Variants in KCNJ3 observed in about 807,000 individuals in gnomAD.
KCNJ3 encodes G protein-activated inward rectifier potassium channel 1.
KCNJ3 carries 4 observed loss-of-function variants against 39.2 expected under a neutral mutation model. That is an observed-to-expected ratio of 0.10 (90% CI 0.05 to 0.23). The LOEUF (loss-of-function observed/expected upper bound fraction) is 0.23, where lower values mean the gene tolerates loss of function less well. Ranked by LOEUF, KCNJ3 falls within the 10% of genes least tolerant of loss-of-function variation. The pLI, the probability that KCNJ3 is intolerant of heterozygous loss-of-function variation, is 1.00. For missense variants in KCNJ3, 276 were observed against 634.9 expected, an observed-to-expected ratio of 0.43 and a Z score of 6.08; for synonymous variants, 230 against 237.4, an observed-to-expected ratio of 0.97 and a Z score of 0.29.
intron 1 of KCNJ3, among the ~76,000 whole-genome samples, chr2:154,704,481 T>G (rs2105147090): frequency 6.6e-6 from 1 of 152,302 alleles, no homozygotes; most frequent in East Asian, 1.9e-4. Flanking sequence ...TACATTGCGT[T>G]CTGTAAGAAA....
At chr2:154,804,386 C>T (rs915458067) in intron 2 of KCNJ3, among the ~76,000 whole-genome samples, 1 of 152,152 alleles carries the variant, frequency 6.6e-6, no homozygotes, top group African/African-American at 2.4e-5. Flanking sequence ...TACCGGGTCA[C>T]TTGATTTTCT....
At chr2:154,811,507 T>G (rs1313541000) in intron 2 of KCNJ3, among the ~76,000 whole-genome samples, 1 of 152,158 alleles carries the variant, frequency 6.6e-6, no homozygotes, top group Non-Finnish European at 1.5e-5. Flanking sequence ...TTGGCCAGGC[T>G]GGTCTCGAAC....
chr2:154,753,080 A>G (rs150173990), intron 2 of KCNJ3, among the ~76,000 whole-genome samples: 66 of 152,156 alleles, frequency 4.3e-4, no homozygotes, highest in African/African-American at 1.6e-3. Flanking sequence ...CTCTTATCGG[A>G]TAAGAATTTT....
At chr2:154,704,536 T>C (rs1684965828) in intron 1 of KCNJ3, among the ~76,000 whole-genome samples, 1 of 152,232 alleles carries the variant, frequency 6.6e-6, no homozygotes, top group Admixed American at 6.5e-5. Context: ...GTTAATTGGC[T>C]CAGCATTAAA....
intron 1 of KCNJ3, among the ~76,000 whole-genome samples, chr2:154,708,378 T>C (rs1056600158): frequency 1.3e-5 from 2 of 152,160 alleles, no homozygotes; most frequent in Admixed American, 6.6e-5. Context: ...TTACTCCACA[T>C]AAAAAGCCAA....
intron 2 of KCNJ3, among the ~76,000 whole-genome samples, chr2:154,835,866 G>T (rs2971902): frequency 0.19 from 28,868 of 151,904 alleles, 3,193 homozygotes; most frequent in East Asian, 0.4. Flanking sequence ...TTTCTGAAAG[G>T]TCACCAGACC....
chr2:154,832,801 G>A (rs1030852509), intron 2 of KCNJ3, among the ~76,000 whole-genome samples: 1 of 152,164 alleles, frequency 6.6e-6, no homozygotes, highest in Non-Finnish European at 1.5e-5. Context: ...TGAGGCTTCT[G>A]AAATTGGCTT....
At chr2:154,706,199 A>G (rs1287408427) in intron 1 of KCNJ3, among the ~76,000 whole-genome samples, 2 of 152,202 alleles carry the variant, frequency 1.3e-5, no homozygotes, top group East Asian at 3.9e-4. Context: ...GACCATATCA[A>G]TTTATACATT....
At chr2:154,710,030 T>C (rs529431588) in intron 2 of KCNJ3, among the ~76,000 whole-genome samples, 1 of 152,284 alleles carries the variant, frequency 6.6e-6, no homozygotes, top group African/African-American at 2.4e-5. Flanking sequence ...ATATTAACTC[T>C]GGAACACTCA....
chr2:154,844,685 C>T (rs1280701822), intron 2 of KCNJ3, among the ~76,000 whole-genome samples: 1 of 152,232 alleles, frequency 6.6e-6, no homozygotes, highest in African/African-American at 2.4e-5. Flanking sequence ...AGGCTACCAC[C>T]TCGCAGATTG....
chr2:154,820,865 C>T (rs892200226), intron 2 of KCNJ3, among the ~76,000 whole-genome samples: 1 of 152,020 alleles, frequency 6.6e-6, no homozygotes, highest in Non-Finnish European at 1.5e-5. Flanking sequence ...GATTTAGTTA[C>T]CCTGAATTTT....
chr2:154,850,466 T>G (rs891807906), intron 2 of KCNJ3, among the ~76,000 whole-genome samples: 1 of 152,164 alleles, frequency 6.6e-6, no homozygotes, highest in Non-Finnish European at 1.5e-5. Context: ...GGGATAACTT[T>G]TGCAAAAAGA....
intron 2 of KCNJ3, among the ~76,000 whole-genome samples, chr2:154,826,640 C>G (rs574781852): frequency 3.9e-5 from 6 of 152,182 alleles, no homozygotes; most frequent in Non-Finnish European, 8.8e-5. Context: ...ACTGTTGTTT[C>G]TCTTTGACAT....
rs1295381868 is a variant in KCNJ3, at chr2:154,706,668, C to T, written c.703-2935C>T. Reference sequence around the variant, plus strand: ...CTTTTTTTTTCCTCCTGCAAATCCCCAGAATTGCACCAGAATTAGGACAGC... The same window carrying T: ...CTTTTTTTTTCCTCCTGCAAATCCCTAGAATTGCACCAGAATTAGGACAGC... On this transcript the variant is annotated intron_variant, in intron 1 of 2. Transcript: ENST00000295101. Among the ~76,000 whole-genome samples the T allele has an allele frequency of 2.6e-5, 4 of 151,936 alleles. 1 individual carries two copies. The highest frequency in any genetic ancestry group is 4.2e-4 in the South Asian group (2 of 4,818).
intron 2 of KCNJ3, among the ~76,000 whole-genome samples, chr2:154,838,262 A>G (rs1687503431): frequency 2.0e-5 from 3 of 152,182 alleles, no homozygotes; most frequent in Admixed American, 2.0e-4. Flanking sequence ...AGTAATATGA[A>G]TGGGAAATAG....
At chr2:154,776,984 G>T (rs1574458447) in intron 2 of KCNJ3, among the ~76,000 whole-genome samples, 1 of 151,864 alleles carries the variant, frequency 6.6e-6, no homozygotes, top group East Asian at 1.9e-4. Flanking sequence ...AATGTTCCAA[G>T]GAAATCTTGT....
intron 2 of KCNJ3, among the ~76,000 whole-genome samples, chr2:154,781,522 C>A (rs190023194): frequency 1.3e-5 from 2 of 152,072 alleles, no homozygotes; most frequent in South Asian, 4.1e-4. Context: ...CAGCACACAA[C>A]GAAACAAAGT....
chr2:154,738,565 T>G (rs1291318742), intron 2 of KCNJ3, among the ~76,000 whole-genome samples: 1 of 151,782 alleles, frequency 6.6e-6, no homozygotes, highest in Non-Finnish European at 1.5e-5. Flanking sequence ...CCACAAAAAT[T>G]AAAAACTATA....
intron 2 of KCNJ3, among the ~76,000 whole-genome samples, chr2:154,758,057 A>G: frequency 6.6e-6 from 1 of 152,166 alleles, no homozygotes; most frequent in Middle Eastern, 3.2e-3. Context: ...TTTATTGGAC[A>G]TAATTTCTAC....
Sources: allele counts gnomAD v4.1 joint callset (sites outside exome capture counted in the v4.1 genomes callset), GRCh38; gene constraint gnomAD v4.1.1; transcripts MANE v1.5; gene names NCBI Gene and HGNC (gene_info 2026-07-23, HGNC 2026-07-21).